Variants in SLC25A26 observed in about 807,000 individuals in gnomAD.
SLC25A26 encodes the protein mitochondrial S-adenosylmethionine carrier protein.
A neutral mutation model predicts 37.8 loss-of-function variants in SLC25A26; 36 were observed. The ratio of observed to expected loss-of-function variants is 0.95; its 90% CI spans 0.73 to 1.26. The LOEUF is 1.26. SLC25A26 is among the 50% of genes most tolerant of loss of function. The probability of loss-of-function intolerance (pLI) is 0.00; values close to 1 mark genes in which losing one functional copy is unlikely to be tolerated. For synonymous variants in SLC25A26, 129 were observed against 122.5 expected (o/e 1.05, Z -0.35); for missense variants, 390 against 331.1 (o/e 1.18, Z -1.38).
chr3:66,142,479 A>C (rs2070050182), intron 1 of SLC25A26, among the ~76,000 whole-genome samples: 1 of 152,184 alleles, frequency 6.6e-6, no homozygotes, highest in South Asian at 2.1e-4. Context: ...GAAGTAGGGC[A>C]TAAGGCCCTC....
chr3:66,346,715 CGTGTGTGTGTGTGTGTGTGT>C (rs34944870), intron 6 of SLC25A26, among the ~76,000 whole-genome samples: 4 of 138,978 alleles, frequency 2.9e-5, no homozygotes, highest in South Asian at 2.5e-4. Flanking sequence ...TTGCTGTGTG[CGTGTGTGTGTGTGTGTGTGT>C]GTGTGTGTGT....
chr3:66,261,938 C>T, intron 3 of SLC25A26, 113 bp from the exon 4 acceptor site: 6 of 627,010 alleles, frequency 9.6e-6, no homozygotes, highest in African/African-American at 1.9e-5. Context: ...TTTTTGACAT[C>T]TTGCAGTAAG....
intron 1 of SLC25A26, among the ~76,000 whole-genome samples, chr3:66,209,376 T>A (rs1175118277): frequency 2.1e-5 from 3 of 140,470 alleles, no homozygotes; most frequent in African/African-American, 7.6e-5. Context: ...TATATATACA[T>A]ATGTACATGT....
At chr3:66,362,836 A>G in intron 6 of SLC25A26, 24 bp from the exon 7 acceptor site, 1 of 1,531,050 alleles carries the variant, frequency 6.5e-7, no homozygotes, top group Non-Finnish European at 8.8e-7. Context: ...AATAACTTGT[A>G]TTTTTCTTTC....
chr3:66,357,635 TC>T (rs2076606186), intron 6 of SLC25A26, among the ~76,000 whole-genome samples: 1 of 152,036 alleles, frequency 6.6e-6, no homozygotes, highest in East Asian at 1.9e-4. Flanking sequence ...ACAGAAATGA[TC>T]ATTAGACCTC....
At chr3:66,145,965 A>G (rs1233335979) in intron 1 of SLC25A26, among the ~76,000 whole-genome samples, 1 of 152,196 alleles carries the variant, frequency 6.6e-6, no homozygotes, top group African/African-American at 2.4e-5. Flanking sequence ...TAATCTAAAA[A>G]CATTAACTTT....
chr3:66,373,675 A>T, intron 9 of SLC25A26, among the ~76,000 whole-genome samples: 1 of 143,884 alleles, frequency 7.0e-6, no homozygotes. Flanking sequence ...CATGATGCTG[A>T]TTTTTTTTTT....
At chr3:66,165,094 T>C (rs145113692) in intron 1 of SLC25A26, among the ~76,000 whole-genome samples, 2,135 of 152,338 alleles carry the variant, frequency 0.014, 54 homozygotes, top group African/African-American at 0.043. Flanking sequence ...GTCTTGAGGA[T>C]TGCCCATTCT....
At chr3:66,221,364 G>A (rs1232347644) in intron 1 of SLC25A26, among the ~76,000 whole-genome samples, 1 of 152,184 alleles carries the variant, frequency 6.6e-6, no homozygotes, top group Non-Finnish European at 1.5e-5. Flanking sequence ...GTGAGTCATT[G>A]TCTTTTGCAC....
intron 3 of SLC25A26, among the ~76,000 whole-genome samples, chr3:66,257,906 G>A (rs952210328): frequency 6.6e-6 from 1 of 152,094 alleles, no homozygotes; most frequent in African/African-American, 2.4e-5. Context: ...TCATATGTGC[G>A]CTGCTCGAGA....
intron 5 of SLC25A26, among the ~76,000 whole-genome samples, chr3:66,340,216 C>T (rs1389778403): frequency 6.6e-6 from 1 of 151,988 alleles, no homozygotes; most frequent in Non-Finnish European, 1.5e-5. Flanking sequence ...ATATGTCTGT[C>T]TTGATGCCAC....
intron 3 of SLC25A26, among the ~76,000 whole-genome samples, chr3:66,257,641 T>G (rs572486539): frequency 6.6e-6 from 1 of 152,342 alleles, no homozygotes; most frequent in African/African-American, 2.4e-5. Context: ...TTTCACTTCT[T>G]TGCTAGATTA....
intron 1 of SLC25A26, among the ~76,000 whole-genome samples, chr3:66,145,720 T>C (rs565165170): frequency 6.6e-6 from 1 of 152,352 alleles, no homozygotes; most frequent in Admixed American, 6.5e-5. Context: ...TGTTCCATCT[T>C]ATTTCAATTT....
intron 5 of SLC25A26, among the ~76,000 whole-genome samples, chr3:66,300,457 T>C (rs916588997): frequency 1.3e-5 from 2 of 152,190 alleles, no homozygotes; most frequent in African/African-American, 4.8e-5. Context: ...TCTTGTTCTT[T>C]GCATATATTT....
chr3:66,291,498 G>A (rs943313343), intron 5 of SLC25A26, among the ~76,000 whole-genome samples: 4 of 152,212 alleles, frequency 2.6e-5, no homozygotes, highest in Admixed American at 2.0e-4. Flanking sequence ...ATTCCGGTAC[G>A]TTGTGTATTT....
At chr3:66,266,433 C>T (rs988974525) in intron 5 of SLC25A26, among the ~76,000 whole-genome samples, 14 of 152,128 alleles carry the variant, frequency 9.2e-5, no homozygotes, top group East Asian at 3.8e-4. Flanking sequence ...CACCTGGAAA[C>T]GTATACATTT....
intron 1 of SLC25A26, among the ~76,000 whole-genome samples, chr3:66,152,988 A>G (rs575255919): frequency 7.9e-5 from 12 of 152,314 alleles, no homozygotes; most frequent in South Asian, 6.2e-4. Context: ...CAGGACCCCA[A>G]TGATCCAAGT....
intron 5 of SLC25A26, among the ~76,000 whole-genome samples, chr3:66,303,017 G>A (rs373633408): frequency 1.4e-4 from 22 of 152,230 alleles, no homozygotes; most frequent in African/African-American, 5.3e-4. Flanking sequence ...CAGCATCCCT[G>A]GCCTCTACCC....
chr3:66,331,255 C>G (rs1014488425), intron 5 of SLC25A26, among the ~76,000 whole-genome samples: 2 of 151,880 alleles, frequency 1.3e-5, no homozygotes, highest in Non-Finnish European at 2.9e-5. Context: ...CTGTATTCAC[C>G]AGTACTCTTA....
Sources: gnomAD v4.1 joint callset for allele counts (sites outside exome capture counted in the v4.1 genomes callset) on GRCh38, gnomAD v4.1.1 for gene constraint, MANE v1.5 for transcripts, NCBI Gene and HGNC (gene_info 2026-07-23, HGNC 2026-07-21) for gene names.